The following DPYD variants were observed in gnomAD, a reference collection of about 807,000 sequenced individuals.
DPYD encodes the protein dihydropyrimidine dehydrogenase [NADP(+)].
Under a neutral mutation model 116.2 loss-of-function variants are expected in DPYD, and 109 were observed. The observed-to-expected ratio is 0.94, with a 90% CI of 0.80 to 1.10. The LOEUF (loss-of-function observed/expected upper bound fraction) is 1.10. Ranked by LOEUF, DPYD falls within the 50% of genes least tolerant of loss-of-function variation. The probability of loss-of-function intolerance (pLI) is 0.00; values close to 1 mark genes in which losing one functional copy is unlikely to be tolerated. For synonymous variants in DPYD, 440 were observed against 432.0 expected, an observed-to-expected ratio of 1.02 and a Z score of -0.23; for missense variants, 1,302 against 1,254.5, an observed-to-expected ratio of 1.04 and a Z score of -0.57.
intron 20 of DPYD, among the ~76,000 whole-genome samples, chr1:97,127,207 C>T (rs571602131): frequency 3.3e-5 from 5 of 152,216 alleles, no homozygotes; most frequent in Non-Finnish European, 4.4e-5. Context: ...CATTCCAAGC[C>T]GTGAGATGAT....
intron 3 of DPYD, among the ~76,000 whole-genome samples, chr1:97,781,484 A>G (rs1666742959): frequency 6.6e-6 from 1 of 152,206 alleles, no homozygotes; most frequent in African/African-American, 2.4e-5. Flanking sequence ...TTAGTTACAT[A>G]AAGACATCCT....
intron 14 of DPYD, among the ~76,000 whole-genome samples, chr1:97,441,899 C>T (rs905389033): frequency 6.6e-6 from 1 of 152,174 alleles, no homozygotes; most frequent in Non-Finnish European, 1.5e-5. Context: ...CAAAGCAGTG[C>T]TCAGCCTGGG....
Position 97,790,290 on chromosome 1 carries a change from G to T in DPYD, c.233+37824C>A, listed in dbSNP as rs1017091354. On this transcript the variant is annotated intron_variant, in intron 3 of 22. Transcript: ENST00000370192. ...TTCAAGATCACGTGCTTTTTACACA[G>T]AAAAGTTGCTGCTAAAAGAGGTCAC... Among the ~76,000 whole-genome samples, 6 of 152,184 alleles carry T rather than the reference G, an allele frequency of 3.9e-5. No individual in the cohort carries two copies. In the South Asian group the frequency reaches 8.3e-4, roughly 21 times the overall value.
chr1:97,467,179 C>T (rs542913233), intron 13 of DPYD, among the ~76,000 whole-genome samples: 4 of 152,266 alleles, frequency 2.6e-5, no homozygotes, highest in East Asian at 1.9e-4. Flanking sequence ...GTACCTCCAC[C>T]GAATGGATCT....
chr1:97,138,596 T>C (rs1653977952), intron 20 of DPYD, among the ~76,000 whole-genome samples: 1 of 151,564 alleles, frequency 6.6e-6, no homozygotes, highest in Non-Finnish European at 1.5e-5. Context: ...CTTAATAAAC[T>C]GCATTAGTTT....
chr1:97,677,839 G>A (rs1463692965), intron 8 of DPYD, among the ~76,000 whole-genome samples: 1 of 152,128 alleles, frequency 6.6e-6, no homozygotes, highest in Admixed American at 6.6e-5. Flanking sequence ...AGACAAAGAA[G>A]CATTAATGAT....
intron 14 of DPYD, among the ~76,000 whole-genome samples, chr1:97,417,782 G>A (rs1570700737): frequency 6.6e-6 from 1 of 152,038 alleles, no homozygotes; most frequent in South Asian, 2.1e-4. Flanking sequence ...GGGAAGCAGA[G>A]GAATTATCTT....
chr1:97,603,159 C>T (rs1179767882), intron 8 of DPYD, among the ~76,000 whole-genome samples: 2 of 151,966 alleles, frequency 1.3e-5, no homozygotes, highest in Non-Finnish European at 2.9e-5. Context: ...AAACAATACG[C>T]CTCAGGCAAA....
intron 1 of DPYD, among the ~76,000 whole-genome samples, chr1:97,888,709 G>A (rs1416252992): frequency 1.3e-5 from 2 of 151,584 alleles, no homozygotes; most frequent in African/African-American, 2.4e-5. Flanking sequence ...AGAGACCAGA[G>A]AGAAGTGGGA....
chr1:97,735,209 A>G (rs1663854572), intron 4 of DPYD, among the ~76,000 whole-genome samples: 1 of 152,124 alleles, frequency 6.6e-6, no homozygotes, highest in Non-Finnish European at 1.5e-5. Context: ...TCCTCCAATA[A>G]GGCATCAACA....
chr1:97,276,558 T>C lies in DPYD; in HGVS notation c.2299+28701A>G, dbSNP rs537834244. 1.1e-3 allele frequency among the ~76,000 whole-genome samples: 167 copies of C among 151,434 alleles called. 2 individuals carry two copies. Among genetic ancestry groups the C allele is most frequent in the Non-Finnish European group, 1.7e-3 (117 of 67,914 alleles). On this transcript the variant is annotated intron_variant, in intron 18 of 22. Transcript: ENST00000370192. ...GGGCAACAATGAAAAAATGAAAAAA[T>C]GTTCAACATCATTAATCACCAGAGA...
intron 8 of DPYD, among the ~76,000 whole-genome samples, chr1:97,653,304 T>C (rs1658700027): frequency 8.0e-6 from 1 of 125,440 alleles, no homozygotes; most frequent in African/African-American, 3.2e-5. Context: ...TTCTTTCTCC[T>C]TTTTTTTTTT....
intron 7 of DPYD, among the ~76,000 whole-genome samples, chr1:97,690,114 T>C (rs1324253228): frequency 6.6e-6 from 1 of 152,122 alleles, no homozygotes; most frequent in Admixed American, 6.6e-5. Flanking sequence ...TGAGATATTC[T>C]TTGCATATGT....
intron 21 of DPYD, among the ~76,000 whole-genome samples, chr1:97,086,502 T>C (rs1259884567): frequency 6.6e-6 from 1 of 152,220 alleles, no homozygotes; most frequent in African/African-American, 2.4e-5. Context: ...AGTTTTGGTC[T>C]ATTTTTAATA....
At position 97,393,882 on chromosome 1, in the gene DPYD, G is replaced by T. The variant is rs565768531; in HGVS notation, c.1906-11421C>A. Among the ~76,000 whole-genome samples the T allele has an allele frequency of 1.5e-3, 230 of 152,218 alleles. 1 individual carries two copies. Among genetic ancestry groups the T allele is most frequent in the Non-Finnish European group, 2.6e-3 (178 of 67,996 alleles). On this transcript the variant is annotated intron_variant, in intron 14 of 22. Coordinates refer to ENST00000370192, the MANE Select transcript of DPYD (RefSeq NM_000110.4). ...GAACTGCCACACTGTCTTCCACAAT[G>T]GTTGAATTAGTTTACAGTCCCACCA...
At chr1:97,815,935 A>G (rs1221522470) in intron 3 of DPYD, among the ~76,000 whole-genome samples, 2 of 152,324 alleles carry the variant, frequency 1.3e-5, no homozygotes, top group East Asian at 3.9e-4. Context: ...TCCAGCCACC[A>G]TATGAAGCCA....
At chr1:97,710,720 G>GAA (rs146722577) in intron 5 of DPYD, among the ~76,000 whole-genome samples, 2 of 151,024 alleles carry the variant, frequency 1.3e-5, no homozygotes, top group African/African-American at 2.4e-5. Context: ...ACACCAGTAT[G>GAA]AAAAAAAACA....
intron 2 of DPYD, among the ~76,000 whole-genome samples, chr1:97,845,009 C>T (rs2101546298): frequency 6.6e-6 from 1 of 152,320 alleles, no homozygotes; most frequent in African/African-American, 2.4e-5. Flanking sequence ...ACTTTGGGTA[C>T]CGATGAACAA....
intron 13 of DPYD, among the ~76,000 whole-genome samples, chr1:97,489,463 A>C (rs1308277315): frequency 6.6e-6 from 1 of 152,246 alleles, no homozygotes; most frequent in Non-Finnish European, 1.5e-5. Flanking sequence ...ATACAAAGGA[A>C]TAAAAGTAAT....
Sources: gnomAD v4.1 joint callset for allele counts (sites outside exome capture counted in the v4.1 genomes callset) on GRCh38, gnomAD v4.1.1 for gene constraint, MANE v1.5 for transcripts, NCBI Gene and HGNC (gene_info 2026-07-23, HGNC 2026-07-21) for gene names.